EIF4B: variants seen among roughly 807,000 people sequenced by gnomAD.
EIF4B encodes eukaryotic translation initiation factor 4B.
A neutral mutation model predicts 79.3 loss-of-function variants in EIF4B; 8 were observed. That is an observed-to-expected ratio of 0.10 (90% confidence interval 0.06 to 0.18). EIF4B has a LOEUF of 0.18. Ranked by LOEUF, EIF4B falls within the 10% of genes least tolerant of loss-of-function variation. The probability of loss-of-function intolerance (pLI) is 1.00; values close to 1 mark genes in which losing one functional copy is unlikely to be tolerated. For synonymous variants in EIF4B, 238 were observed against 274.7 expected, an observed-to-expected ratio of 0.87 and a Z score of 1.32; for missense variants, 515 against 792.4, an observed-to-expected ratio of 0.65 and a Z score of 4.20.
chr12:53,032,917 C>T (rs1457100733), intron 8 of EIF4B, among the ~76,000 whole-genome samples: 23 of 152,212 alleles, frequency 1.5e-4, no homozygotes, highest in South Asian at 1.0e-3. Context: ...GTGATCCGCC[C>T]GCCTCAGCCC....
chr12:53,039,698 C>T lies in EIF4B; in HGVS notation c.1751C>T (p.Ala584Val), dbSNP rs1943597944. 1 of 1,613,486 alleles carries T rather than the reference C, an allele frequency of 6.2e-7. No homozygotes were observed. Among genetic ancestry groups the T allele is most frequent in the Admixed American group, 1.7e-5 (1 of 59,970 alleles). ...PEPKKPEENP[A>V]SKFSSASKYA... ...CCAAAGAAACCTGAGGAAAATCCAG[C>T]TTCCGTAAGTGTTGAAGGCTGCTCC... The change falls in exon 14 of 15, where the codon GCT becomes GTT. Residue 584 changes from alanine to valine, a missense_variant. By Grantham distance (64) the Ala-to-Val change is moderately conservative. Coordinates refer to ENST00000262056, the MANE Select transcript of EIF4B (RefSeq NM_001417.7).
rs1179222537 is a variant in EIF4B, at chr12:53,040,373, T to C, written c.*150T>C. 6 of 750,644 alleles carry C rather than the reference T, an allele frequency of 8.0e-6. No individual in the cohort carries two copies. The highest frequency in any genetic ancestry group is 5.9e-5 in the Admixed American group (2 of 33,884). 46.5% of individuals were successfully genotyped at this position (750,644 alleles called of 1,614,324 possible). A position where few individuals can be genotyped will look rare whatever the true frequency, so the allele number is the denominator to read the frequency against. On this transcript the variant is annotated 3_prime_UTR_variant, in exon 15 of 15. Coordinates refer to ENST00000262056, the MANE Select transcript of EIF4B (RefSeq NM_001417.7). Reference sequence around the variant, plus strand: ...TTTTTAAAAACAAAAAATGAAATTATTTTGCATGCTGCTGCAGCCTTTAAA... The same window carrying C: ...TTTTTAAAAACAAAAAATGAAATTACTTTGCATGCTGCTGCAGCCTTTAAA...
At chr12:53,015,196 T>C (rs1943129310) in intron 1 of EIF4B, among the ~76,000 whole-genome samples, 3 of 152,244 alleles carry the variant, frequency 2.0e-5, no homozygotes, top group South Asian at 2.1e-4. Flanking sequence ...CGTTTTACTG[T>C]GGTTTTGATA....
At chr12:53,008,579 C>G (rs1943008475) in intron 1 of EIF4B, 3 of 152,126 alleles carry the variant, frequency 2.0e-5, no homozygotes, top group African/African-American at 7.2e-5. Flanking sequence ...TTAAATGAGA[C>G]CAAAAAATTC....
At chr12:53,007,011 T>G (rs1592210246) in intron 1 of EIF4B, among the ~76,000 whole-genome samples, 1 of 152,008 alleles carries the variant, frequency 6.6e-6, no homozygotes, top group East Asian at 1.9e-4. Context: ...AAGGCAGCGG[T>G]GCGCGTGCGC....
chr12:53,026,185 G>T (rs2120940321), intron 6 of EIF4B, among the ~76,000 whole-genome samples: 2 of 152,168 alleles, frequency 1.3e-5, no homozygotes, highest in South Asian at 4.1e-4. Context: ...GTTTTAGTTA[G>T]TTAATTTATA....
Position 53,019,437 on chromosome 12 carries a change from ATTT to A in EIF4B, c.360+441_360+443del, listed in dbSNP as rs1337954535. Among the ~76,000 whole-genome samples the A allele has an allele frequency of 4.3e-3, 219 of 50,922 alleles. 1 individual carries two copies. The highest frequency in any genetic ancestry group is 0.014 in the East Asian group (22 of 1,544). The allele number at this position is 50,922 out of a possible 152,430, so 33.4% of individuals were successfully genotyped here. ...TAAAATCAAAATTATATATATATAT[ATTT>A]TTTTTTTTTCTTTTTTTTTTTTTTT... On this transcript the variant is annotated intron_variant, in intron 3 of 14. Coordinates refer to ENST00000262056, the MANE Select transcript of EIF4B (RefSeq NM_001417.7).
chr12:53,037,664 T>C (rs1465764655), intron 11 of EIF4B, 42 bp downstream of exon 11: 24 of 1,596,446 alleles, frequency 1.5e-5, no homozygotes, highest in Non-Finnish European at 1.9e-5. Context: ...CTGCAGATTC[T>C]AAAATACTGT....
chr12:53,034,829 TG>T, intron 10 of EIF4B, 120 bp downstream of exon 10: 3 of 1,075,566 alleles, frequency 2.8e-6, no homozygotes, highest in Non-Finnish European at 4.1e-6. Flanking sequence ...TTGGGTTGCA[TG>T]GGCCGATTGG....
At chr12:53,037,660 A>G in intron 11 of EIF4B, 38 bp downstream of exon 11, 6 of 1,602,132 alleles carry the variant, frequency 3.7e-6, no homozygotes, top group Non-Finnish European at 5.1e-6. Context: ...TTAACTGCAG[A>G]TTCTAAAATA....
rs10561811 is a variant in EIF4B, at chr12:53,009,494, C to CAA, written c.13+3009_13+3010dup. On this transcript the variant is annotated intron_variant, in intron 1 of 14. Coordinates refer to ENST00000262056, the MANE Select transcript of EIF4B (RefSeq NM_001417.7). ...TGGGCGACAGAGCGAGACTCCGTCT[C>CAA]AAAAAAAAAAAACAAAAACAAACTT... 5.1e-3 allele frequency among the ~76,000 whole-genome samples: 748 copies of CAA among 147,822 alleles called. 4 individuals carry two copies. Among genetic ancestry groups the CAA allele is most frequent in the African/African-American group, 0.011 (465 of 40,450 alleles).
rs148794917 is a variant in EIF4B, at chr12:53,039,746, T to C, written c.1755+44T>C. The C allele has an allele frequency of 3.2e-4, 509 of 1,575,202 alleles. 1 individual carries two copies. In the African/African-American group the frequency reaches 6.2e-3, roughly 19 times the overall value. Reference sequence around the variant, plus strand: ...TCCCAATTTTTCATTCTAAGAAAAATTCTTAGAATTCTAAGTATTCTTACT... The same window carrying C: ...TCCCAATTTTTCATTCTAAGAAAAACTCTTAGAATTCTAAGTATTCTTACT... On this transcript the variant is annotated intron_variant, in intron 14 of 14. Coordinates refer to ENST00000262056, the MANE Select transcript of EIF4B (RefSeq NM_001417.7).
At chr12:53,039,794 T>G in intron 14 of EIF4B, 92 bp downstream of exon 14, 2 of 1,413,380 alleles carry the variant, frequency 1.4e-6, no homozygotes, top group Non-Finnish European at 9.6e-7. Flanking sequence ...TTCTTAGTAT[T>G]CTAAACTTTT....
intron 12 of EIF4B, 47 bp from the exon 13 acceptor site, chr12:53,039,191 T>C (rs1244162055): frequency 7.4e-7 from 1 of 1,358,000 alleles, no homozygotes; most frequent in Admixed American, 2.0e-5. Context: ...AGAGGGACAT[T>C]GATACTTTTA....
At chr12:53,024,776 C>T (rs1943306679) in intron 6 of EIF4B, among the ~76,000 whole-genome samples, 1 of 152,134 alleles carries the variant, frequency 6.6e-6, no homozygotes, top group Non-Finnish European at 1.5e-5. Context: ...ATGCCTCAGC[C>T]TCCTGAGTAG....
Position 53,011,056 on chromosome 12 carries a change from G to A in EIF4B, c.13+4560G>A, listed in dbSNP as rs184852498. Reference sequence around the variant, plus strand: ...AGGCAAGAGGATCACTTAAGCCCAGGAATTCAAGACCAGCCTAAGTAACAT... The same window carrying A: ...AGGCAAGAGGATCACTTAAGCCCAGAAATTCAAGACCAGCCTAAGTAACAT... On this transcript the variant is annotated intron_variant, in intron 1 of 14. Coordinates refer to ENST00000262056, the MANE Select transcript of EIF4B (RefSeq NM_001417.7). Among the ~76,000 whole-genome samples the A allele has an allele frequency of 5.7e-3, 867 of 152,224 alleles. 10 individuals carry two copies. Among genetic ancestry groups the A allele is most frequent in the African/African-American group, 0.02 (827 of 41,536 alleles).
At chr12:53,020,842 GTTACTC>G (rs1943236174) in intron 4 of EIF4B, among the ~76,000 whole-genome samples, 1 of 152,060 alleles carries the variant, frequency 6.6e-6, no homozygotes, top group Non-Finnish European at 1.5e-5. Flanking sequence ...TTGTTCCAGA[GTTACTC>G]TTACTGGATT....
intron 4 of EIF4B, among the ~76,000 whole-genome samples, chr12:53,020,578 T>C (rs945729659): frequency 2.6e-5 from 4 of 152,194 alleles, no homozygotes; most frequent in African/African-American, 9.6e-5. Flanking sequence ...GAGGGGCTTA[T>C]ATCTCAGAAG....
intron 10 of EIF4B, among the ~76,000 whole-genome samples, chr12:53,036,088 A>G (rs900426963): frequency 1.9e-5 from 2 of 104,932 alleles, no homozygotes; most frequent in East Asian, 2.9e-4. Flanking sequence ...CTGGCCTTCT[A>G]TTTTTTTTAT....
Sources: allele counts gnomAD v4.1 joint callset (sites outside exome capture counted in the v4.1 genomes callset), GRCh38; gene constraint gnomAD v4.1.1; transcripts MANE v1.5; gene names NCBI Gene and HGNC (gene_info 2026-07-23, HGNC 2026-07-21).